Variants in TFEC observed in about 807,000 individuals in gnomAD.
The protein encoded by TFEC is class E basic helix-loop-helix protein 34.
Under a neutral mutation model 41.6 loss-of-function variants are expected in TFEC, and 31 were observed. That is an observed-to-expected ratio of 0.74 (90% CI 0.56 to 1.01). TFEC has a LOEUF of 1.01. TFEC is among the 50% of genes least tolerant of loss of function. The pLI is 0.00. For synonymous variants in TFEC, 143 were observed against 140.6 expected (o/e 1.02, Z -0.12); for missense variants, 402 against 404.1 (o/e 0.99, Z 0.04).
chr7:115,936,524 T>TA lies in TFEC; in HGVS notation c.*4026dup, dbSNP rs1207526637. 1 of 151,684 alleles carries TA rather than the reference T, an allele frequency of 6.6e-6. No individual in the cohort carries two copies. The highest frequency in any genetic ancestry group is 1.5e-5 in the Non-Finnish European group (1 of 67,670). The allele number at this position is 151,684 out of a possible 1,614,324, so 9.4% of individuals were successfully genotyped here. ...TGTTTGAATAGGGTCAAAGACATTG[T>TA]AAAAAAATTTGGAACACTTAGTTAT... On this transcript the variant is annotated 3_prime_UTR_variant, in exon 8 of 8. Coordinates refer to ENST00000265440, the MANE Select transcript of TFEC (RefSeq NM_012252.4).
chr7:116,006,632 G>T (rs1347284602), intron 1 of TFEC, among the ~76,000 whole-genome samples: 1 of 152,194 alleles, frequency 6.6e-6, no homozygotes, highest in Admixed American at 6.5e-5. Context: ...TGGGACTTTG[G>T]ACTGTGGACA....
intron 1 of TFEC, among the ~76,000 whole-genome samples, chr7:116,013,724 C>T (rs1408149552): frequency 6.6e-6 from 1 of 152,078 alleles, no homozygotes; most frequent in Admixed American, 6.6e-5. Context: ...ATCCAGTCCT[C>T]ATTACTAGGG....
chr7:116,154,869 CTT>C lies in TFEC; in HGVS notation c.-69+4919_-69+4920del, dbSNP rs928477994. Among the ~76,000 whole-genome samples the C allele has an allele frequency of 3.9e-5, 6 of 152,252 alleles. No homozygotes were observed. The South Asian group carries it at 6.2e-4, about 16-fold the overall frequency. On this transcript the variant is annotated intron_variant, in intron 1 of 8. Coordinates refer to the TFEC transcript ENST00000484212. Reference sequence around the variant, plus strand: ...TTCCTCTCTTGGATATTAATTCTCTCTTTGTTTTGTGGTGGTATCTCTGAAAG... The same window carrying C: ...TTCCTCTCTTGGATATTAATTCTCTCTGTTTTGTGGTGGTATCTCTGAAAG...
At chr7:115,989,325 G>C (rs1177754625) in intron 1 of TFEC, among the ~76,000 whole-genome samples, 1 of 152,238 alleles carries the variant, frequency 6.6e-6, no homozygotes, top group Non-Finnish European at 1.5e-5. Flanking sequence ...ACAACTCCCA[G>C]CGTGAGTGAT....
chr7:115,958,568 G>A (rs2130448068), intron 3 of TFEC, among the ~76,000 whole-genome samples: 1 of 151,912 alleles, frequency 6.6e-6, no homozygotes, highest in Middle Eastern at 3.4e-3. Context: ...AAGAAAAGGA[G>A]CCATATTACA....
At chr7:116,113,528 T>C (rs1053126618) in intron 1 of TFEC, among the ~76,000 whole-genome samples, 1 of 151,992 alleles carries the variant, frequency 6.6e-6, no homozygotes, top group African/African-American at 2.4e-5. Flanking sequence ...ACCCAGTTTG[T>C]GGTCATTTGT....
chr7:116,107,357 A>C (rs1797744438), intron 3 of TFEC, among the ~76,000 whole-genome samples: 1 of 152,206 alleles, frequency 6.6e-6, no homozygotes, highest in Non-Finnish European at 1.5e-5. Flanking sequence ...TCTTGGTCAT[A>C]ATGACCAGGC....
At chr7:116,070,187 C>T (rs904581173) in intron 3 of TFEC, among the ~76,000 whole-genome samples, 1 of 151,034 alleles carries the variant, frequency 6.6e-6, no homozygotes, top group African/African-American at 2.4e-5. Flanking sequence ...CATATAAATG[C>T]AGCTATTTTC....
At chr7:116,026,436 T>C (rs1394981492) in intron 1 of TFEC, among the ~76,000 whole-genome samples, 1 of 152,216 alleles carries the variant, frequency 6.6e-6, no homozygotes, top group Admixed American at 6.5e-5. Flanking sequence ...CACTGGCAGG[T>C]AGCATACCTT....
chr7:116,112,119 T>C, intron 1 of TFEC: 1 of 717,776 alleles, frequency 1.4e-6, no homozygotes, highest in Non-Finnish European at 1.7e-6. Context: ...CGTTGTACAT[T>C]ATTATAAGGC....
At chr7:115,944,312 G>T (rs966417627) in intron 6 of TFEC, among the ~76,000 whole-genome samples, 2 of 151,308 alleles carry the variant, frequency 1.3e-5, no homozygotes, top group African/African-American at 4.8e-5. Flanking sequence ...GTGTTTCCAA[G>T]AAAGCTAAAG....
At chr7:115,941,821 C>T in intron 7 of TFEC, 72 bp downstream of exon 7, 1 of 1,466,044 alleles carries the variant, frequency 6.8e-7, no homozygotes, top group South Asian at 1.5e-5. Flanking sequence ...ATAAATGAGA[C>T]CAATGAAGAA....
intron 1 of TFEC, among the ~76,000 whole-genome samples, chr7:115,993,761 G>A (rs137967071): frequency 0.01 from 1,554 of 152,194 alleles, 21 homozygotes; most frequent in Middle Eastern, 0.037. Context: ...AATCAATATC[G>A]TGAAAATGGC....
At chr7:116,146,454 T>C (rs1347860010) in intron 1 of TFEC, among the ~76,000 whole-genome samples, 1 of 151,998 alleles carries the variant, frequency 6.6e-6, no homozygotes, top group Non-Finnish European at 1.5e-5. Context: ...CAGAAAGAGG[T>C]TGGAGAAATT....
rs117395791 is a variant in TFEC, at chr7:116,110,800, A to T, written c.106T>A (p.Phe36Ile). 26 of 1,547,924 alleles carry T rather than the reference A, an allele frequency of 1.7e-5. No individual in the cohort carries two copies. In the East Asian group the frequency reaches 5.6e-4, roughly 34 times the overall value. The stretch of plus-strand genomic sequence containing the variant: ...GGTTTGTATGAAAACTGCATGTGGA[A>T]CTCTGTTCTATGGGCACTGATTTCC... Residue 36 changes from phenylalanine (F) to isoleucine (I), a missense_variant, in exon 3 of 9, where the codon TTC (phenylalanine) becomes ATC (isoleucine). Coordinates refer to the TFEC transcript ENST00000484212.
upstream of TFEC, among the ~76,000 whole-genome samples, chr7:116,032,081 G>C (rs1795798084): frequency 6.6e-6 from 1 of 152,074 alleles, no homozygotes; most frequent in Non-Finnish European, 1.5e-5. Context: ...ACATTTGCGA[G>C]CTTCAGAAGG....
At chr7:116,025,953 C>T (rs1795568867) in intron 1 of TFEC, among the ~76,000 whole-genome samples, 1 of 152,190 alleles carries the variant, frequency 6.6e-6, no homozygotes. Flanking sequence ...TACAGAAACA[C>T]TCTATCAACA....
chr7:116,125,924 G>A (rs1362747068), intron 1 of TFEC, among the ~76,000 whole-genome samples: 1 of 152,134 alleles, frequency 6.6e-6, no homozygotes, highest in African/African-American at 2.4e-5. Flanking sequence ...AAAGAACTGA[G>A]CAAACTGAAA....
intron 3 of TFEC, among the ~76,000 whole-genome samples, chr7:116,071,941 A>G (rs1400701691): frequency 6.6e-6 from 1 of 151,500 alleles, no homozygotes; most frequent in African/African-American, 2.4e-5. Context: ...GAAAATGTGT[A>G]TTTCTCAAAA....
Sources: allele counts gnomAD v4.1 joint callset (sites outside exome capture counted in the v4.1 genomes callset), GRCh38; gene constraint gnomAD v4.1.1; transcripts MANE v1.5; gene names NCBI Gene and HGNC (gene_info 2026-07-23, HGNC 2026-07-21).